Variants in CENPM observed in about 807,000 individuals in gnomAD.
CENPM encodes the protein centromere protein M, also known as interphase centromere complex protein 39.
Under a neutral mutation model 19.6 loss-of-function variants are expected in CENPM, and 14 were observed. That is an observed-to-expected ratio of 0.71 (90% CI 0.47 to 1.11). CENPM has a LOEUF of 1.11. Ranked by LOEUF, CENPM falls within the 50% of genes most tolerant of loss-of-function variation. The pLI is 0.00. For missense variants in CENPM, 239 were observed against 228.4 expected, an observed-to-expected ratio of 1.05 and a Z score of -0.30; for synonymous variants, 114 against 101.5, an observed-to-expected ratio of 1.12 and a Z score of -0.74.
intron 5 of CENPM, among the ~76,000 whole-genome samples, chr22:41,939,864 G>GAAAAAGAAAGAA (rs1569425874): frequency 3.2e-4 from 17 of 53,820 alleles, no homozygotes; most frequent in African/African-American, 8.4e-4. Context: ...AAGAAAGAAA[G>GAAAAAGAAAGAA]AAAGAAAGAA....
At chr22:41,944,377 G>C (rs1207951551) in intron 4 of CENPM, among the ~76,000 whole-genome samples, 1 of 149,722 alleles carries the variant, frequency 6.7e-6, no homozygotes, top group Admixed American at 6.8e-5. Context: ...CGGTGGTTGC[G>C]GTGAGCTGAG....
rs2077699346 is a variant in CENPM at position 41,938,972 on chromosome 22, G to A, written c.*84C>T. The A allele has an allele frequency of 9.7e-6, 15 of 1,541,792 alleles. No individual in the cohort carries two copies. The highest frequency in any genetic ancestry group is 1.1e-5 in the Non-Finnish European group (13 of 1,134,272). Reference sequence around the variant, plus strand: ...GGCGGGCTGAGCCTGGGCCTGTCAAGCCCTGACTGGACATCCTCAACAGAG... The same window carrying A: ...GGCGGGCTGAGCCTGGGCCTGTCAAACCCTGACTGGACATCCTCAACAGAG... On this transcript the variant is annotated 3_prime_UTR_variant, in exon 6 of 6. Coordinates refer to ENST00000215980, the MANE Select transcript of CENPM (RefSeq NM_024053.5).
the CENPM span, among the ~76,000 whole-genome samples, chr22:41,929,859 AG>A: frequency 1.3e-5 from 2 of 151,398 alleles, no homozygotes; most frequent in African/African-American, 4.9e-5. Context: ...ATGACAAAAC[AG>A]TTAAGAAGAA....
the CENPM span, among the ~76,000 whole-genome samples, chr22:41,929,589 C>CA: frequency 2.0e-5 from 3 of 152,236 alleles, no homozygotes; most frequent in Non-Finnish European, 4.4e-5. Context: ...AGCCCACTGT[C>CA]AGAGTTCCAG....
intron 1 of CENPM, 96 bp downstream of exon 1, chr22:41,946,924 G>C: frequency 7.9e-7 from 1 of 1,268,850 alleles, no homozygotes. Flanking sequence ...GGTAGCGCGC[G>C]CTGGCTTGGC....
chr22:41,931,376 G>A, the CENPM span, among the ~76,000 whole-genome samples: 2 of 151,830 alleles, frequency 1.3e-5, no homozygotes, highest in Non-Finnish European at 2.9e-5. Context: ...CTACTTGGGA[G>A]GCTGAGGCAG....
intron 1 of CENPM, 106 bp from the exon 2 acceptor site, chr22:41,946,602 G>A (rs2077807069): frequency 2.2e-6 from 2 of 908,608 alleles, no homozygotes; most frequent in African/African-American, 3.3e-5. Context: ...CCGCCAGCAG[G>A]CGGCTCGGAG....
rs2077813693 is a variant in CENPM, at chr22:41,947,009, C to T, written c.57+11G>A. ...AAAACCGGCGGGGGAAGCAGGGCCG[C>T]CTGCACCTACCAAGATGGTGGCCGT... On this transcript the variant is annotated intron_variant, in intron 1 of 5. Transcript: ENST00000215980. The T allele has an allele frequency of 3.7e-6, 6 of 1,612,494 alleles. No individual in the cohort carries two copies. Among genetic ancestry groups the T allele is most frequent in the Admixed American group, 3.3e-5 (2 of 60,008 alleles).
At position 41,939,170 on chromosome 22, in the gene CENPM, C is replaced by A; in HGVS notation, c.429G>T (p.Ala143=). The A allele has an allele frequency of 6.2e-7, 1 of 1,612,080 alleles. No homozygotes were observed. The highest frequency in any genetic ancestry group is 8.5e-7 in the Non-Finnish European group (1 of 1,179,598). The part of the protein sequence containing the change: ...LEVEGFRATM[A]QRLVRVLQIC... The stretch of plus-strand genomic sequence containing the variant: ...TCTGCAGCACGCGCACCAGGCGCTG[C>A]GCCATGGTGGCCCTAAAGCCTTCCA... The change falls in exon 6 of 6, where the codon GCG becomes GCT. Residue 143 remains alanine, a synonymous_variant. Transcript: ENST00000215980.
the CENPM span, among the ~76,000 whole-genome samples, chr22:41,927,336 T>A: frequency 6.6e-6 from 1 of 151,942 alleles, no homozygotes; most frequent in Non-Finnish European, 1.5e-5. Context: ...TCCTCTTGGG[T>A]AGGGAGGGGG....
At chr22:41,944,454 A>AAT (rs1383532922) in intron 4 of CENPM, among the ~76,000 whole-genome samples, 6 of 151,720 alleles carry the variant, frequency 4.0e-5, no homozygotes, top group African/African-American at 1.2e-4. Flanking sequence ...AAAAAAAAAA[A>AAT]AGGGACGGGC....
chr22:41,941,829 T>C (rs2077741644), intron 5 of CENPM, among the ~76,000 whole-genome samples: 1 of 152,150 alleles, frequency 6.6e-6, no homozygotes, highest in Non-Finnish European at 1.5e-5. Context: ...TAGAGTCAAG[T>C]GTGTATCATG....
chr22:41,946,521 G>C, intron 1 of CENPM, 25 bp from the exon 2 acceptor site: 1 of 1,606,542 alleles, frequency 6.2e-7, no homozygotes, highest in Non-Finnish European at 8.5e-7. Flanking sequence ...AGAGCGGACA[G>C]TCGAGCCCTA....
chr22:41,944,927 T>C (rs1485720061), intron 4 of CENPM: 5 of 1,228,060 alleles, frequency 4.1e-6, no homozygotes, highest in Non-Finnish European at 5.1e-6. Context: ...GTTCTTTCGG[T>C]TTTTAAATTT....
the CENPM span, among the ~76,000 whole-genome samples, chr22:41,930,178 A>AGATCTGCCCGCCT: frequency 2.0e-5 from 3 of 149,352 alleles, no homozygotes; most frequent in Admixed American, 6.7e-5. Flanking sequence ...CCTCACCTCG[A>AGATCTGCCCGCCT]GATCTGCCCG....
chr22:41,943,801 C>A, intron 4 of CENPM, 100 bp from the exon 5 acceptor site: 1 of 1,012,884 alleles, frequency 9.9e-7, no homozygotes, highest in Non-Finnish European at 1.5e-6. Context: ...CTCTGGGGCT[C>A]AGTTTCTTTC....
chr22:41,946,324 G>C, intron 2 of CENPM, 93 bp downstream of exon 2: 1 of 1,079,006 alleles, frequency 9.3e-7, no homozygotes, highest in Non-Finnish European at 1.4e-6. Context: ...AGCCTCAGAG[G>C]AGGGGGCGCT....
intron 5 of CENPM, among the ~76,000 whole-genome samples, chr22:41,940,508 CCT>C (rs1038572891): frequency 2.3e-4 from 35 of 152,280 alleles, no homozygotes; most frequent in African/African-American, 8.2e-4. Context: ...GCTTCAGCCC[CCT>C]GAGTAGCTGG....
chr22:41,930,078 G>T, the CENPM span, among the ~76,000 whole-genome samples: 1 of 151,016 alleles, frequency 6.6e-6, no homozygotes, highest in African/African-American at 2.4e-5. Flanking sequence ...CGAGTAGCTG[G>T]GACTACAGGC....
Sources: gnomAD v4.1 joint callset for allele counts (sites outside exome capture counted in the v4.1 genomes callset) on GRCh38, gnomAD v4.1.1 for gene constraint, MANE v1.5 for transcripts, NCBI Gene and HGNC (gene_info 2026-07-23, HGNC 2026-07-21) for gene names.